KCNIP4: variants seen among roughly 807,000 people sequenced by gnomAD.
The protein encoded by KCNIP4 is potassium voltage-gated channel interacting protein 4, also known as Kv channel-interacting protein 4.
A neutral mutation model predicts 34.0 loss-of-function variants in KCNIP4; 12 were observed. The ratio of observed to expected loss-of-function variants is 0.35; its 90% confidence interval spans 0.23 to 0.57. The LOEUF (loss-of-function observed/expected upper bound fraction) is 0.57, where lower values mean the gene tolerates loss of function less well. Ranked by LOEUF, KCNIP4 falls within the 20% of genes least tolerant of loss-of-function variation. The pLI, the probability that KCNIP4 is intolerant of heterozygous loss-of-function variation, is 0.83. For synonymous variants in KCNIP4, 124 were observed against 102.2 expected, an observed-to-expected ratio of 1.21 and a Z score of -1.29; for missense variants, 238 against 311.7, an observed-to-expected ratio of 0.76 and a Z score of 1.78.
Position 20,729,953 on chromosome 4 carries a change from A to T in KCNIP4, c.*129T>A, listed in dbSNP as rs1747548191. ...TCTTTTGGGGATTGCTTTATATTAA[A>T]ACAAAGCTTGTTTGCATAATATGCT... On this transcript the variant is annotated 3_prime_UTR_variant, in exon 9 of 9. Coordinates refer to ENST00000382152, the MANE Select transcript of KCNIP4 (RefSeq NM_025221.6). The T allele has an allele frequency of 8.9e-7, 1 of 1,127,490 alleles. No individual in the cohort carries two copies. Among genetic ancestry groups the T allele is most frequent in the African/African-American group, 1.6e-5 (1 of 62,774 alleles). The allele number at this position is 1,127,490 out of a possible 1,614,324, so 69.8% of individuals were successfully genotyped here.
At chr4:21,610,830 T>TA (rs1577688721) in intron 1 of KCNIP4, among the ~76,000 whole-genome samples, 2 of 151,882 alleles carry the variant, frequency 1.3e-5, no homozygotes, top group African/African-American at 2.4e-5. Flanking sequence ...TTTTTTTTTT[T>TA]AATTATACTT....
At chr4:21,776,961 C>G (rs904620233) in intron 1 of KCNIP4, among the ~76,000 whole-genome samples, 1 of 152,104 alleles carries the variant, frequency 6.6e-6, no homozygotes, top group Non-Finnish European at 1.5e-5. Flanking sequence ...CAAGGTTAGA[C>G]AGGGTTTCAC....
At chr4:21,146,314 G>A (rs13118446) in intron 1 of KCNIP4, among the ~76,000 whole-genome samples, 53,025 of 151,726 alleles carry the variant, frequency 0.35, 9,382 homozygotes, top group African/African-American at 0.39. Flanking sequence ...AGGAGAATGG[G>A]GTGAACCCGG....
At chr4:21,133,014 GAA>G (rs11342415) in intron 1 of KCNIP4, among the ~76,000 whole-genome samples, 20,239 of 145,848 alleles carry the variant, frequency 0.14, 1,531 homozygotes, top group African/African-American at 0.2. Flanking sequence ...CTCCATCTCA[GAA>G]AAAAAAAAAA....
At chr4:21,286,892 G>A (rs1344181458) in intron 1 of KCNIP4, among the ~76,000 whole-genome samples, 1 of 152,126 alleles carries the variant, frequency 6.6e-6, no homozygotes, top group Non-Finnish European at 1.5e-5. Flanking sequence ...GCACCCTAGG[G>A]CTTAATACAT....
intron 1 of KCNIP4, among the ~76,000 whole-genome samples, chr4:21,299,083 T>C (rs1764009287): frequency 6.6e-6 from 1 of 152,132 alleles, no homozygotes; most frequent in South Asian, 2.1e-4. Flanking sequence ...GCGTAAGTGA[T>C]TACCTATCTC....
chr4:20,956,502 T>TC (rs1371117640), intron 1 of KCNIP4, among the ~76,000 whole-genome samples: 1 of 73,868 alleles, frequency 1.4e-5, no homozygotes, highest in Non-Finnish European at 2.4e-5. Context: ...AAGACTTCCT[T>TC]CCAAAAAAAA....
intron 1 of KCNIP4, among the ~76,000 whole-genome samples, chr4:21,018,009 A>G (rs1379067538): frequency 6.6e-6 from 1 of 152,222 alleles, no homozygotes; most frequent in Non-Finnish European, 1.5e-5. Flanking sequence ...ATTAACTAGT[A>G]CAATAAAAAC....
chr4:21,137,929 T>C (rs1290295007), intron 1 of KCNIP4, among the ~76,000 whole-genome samples: 2 of 141,026 alleles, frequency 1.4e-5, no homozygotes, highest in East Asian at 2.1e-4. Context: ...TAGACTGCAA[T>C]GGTATGACCT....
intron 1 of KCNIP4, among the ~76,000 whole-genome samples, chr4:21,467,316 CAAA>C (rs1428870698): frequency 6.6e-6 from 1 of 152,060 alleles, no homozygotes; most frequent in African/African-American, 2.4e-5. Context: ...AGCCAACTTC[CAAA>C]AATATATAAT....
At chr4:21,501,744 A>T (rs1375866426) in intron 1 of KCNIP4, among the ~76,000 whole-genome samples, 1 of 120,444 alleles carries the variant, frequency 8.3e-6, no homozygotes, top group Admixed American at 8.8e-5. Flanking sequence ...TATATGTAAT[A>T]CCATGCAGAT....
At chr4:21,385,317 G>A (rs1417969742) in intron 1 of KCNIP4, among the ~76,000 whole-genome samples, 1 of 152,148 alleles carries the variant, frequency 6.6e-6, no homozygotes, top group Admixed American at 6.6e-5. Context: ...CCACCAGCAG[G>A]AGGTGGGATA....
chr4:21,728,233 C>T (rs1376616586), intron 1 of KCNIP4, among the ~76,000 whole-genome samples: 3 of 152,130 alleles, frequency 2.0e-5, no homozygotes, highest in African/African-American at 7.2e-5. Context: ...AACCAAACTC[C>T]AAATCTCCTT....
In KCNIP4 at chr4:21,002,947, T is replaced by C. The variant is rs184602033; in HGVS notation, c.62-120238A>G. Among the ~76,000 whole-genome samples the C allele has an allele frequency of 2.2e-3, 337 of 152,346 alleles. 1 individual carries two copies. Among genetic ancestry groups the C allele is most frequent in the African/African-American group, 7.6e-3 (316 of 41,578 alleles). On this transcript the variant is annotated intron_variant, in intron 1 of 8. Coordinates refer to ENST00000382152, the MANE Select transcript of KCNIP4 (RefSeq NM_025221.6). ...ATTATCAGAGCATATCATGGTTACC[T>C]GACACTGGTATAAACATCCCTCACA...
chr4:21,776,653 G>A (rs1719200118), intron 1 of KCNIP4, among the ~76,000 whole-genome samples: 1 of 152,116 alleles, frequency 6.6e-6, no homozygotes, highest in Non-Finnish European at 1.5e-5. Flanking sequence ...ATCTTGAATT[G>A]TAATCCCATA....
intron 1 of KCNIP4, among the ~76,000 whole-genome samples, chr4:21,023,348 C>T (rs1036432323): frequency 6.6e-5 from 10 of 151,804 alleles, no homozygotes; most frequent in Non-Finnish European, 1.3e-4. Flanking sequence ...AATATAATAA[C>T]CAAAATAAAA....
intron 1 of KCNIP4, among the ~76,000 whole-genome samples, chr4:21,211,894 C>T (rs2108979441): frequency 6.6e-6 from 1 of 151,700 alleles, no homozygotes; most frequent in African/African-American, 2.4e-5. Flanking sequence ...CCTTCCCCAC[C>T]ATATTGCATT....
chr4:20,901,329 T>C (rs1448951182), intron 1 of KCNIP4, among the ~76,000 whole-genome samples: 1 of 152,226 alleles, frequency 6.6e-6, no homozygotes, highest in African/African-American at 2.4e-5. Flanking sequence ...TAAAATGTAA[T>C]AAGGACATTG....
chr4:21,123,166 A>G (rs1169763750), intron 1 of KCNIP4, among the ~76,000 whole-genome samples: 1 of 152,082 alleles, frequency 6.6e-6, no homozygotes, highest in African/African-American at 2.4e-5. Flanking sequence ...GTGAGCCAAG[A>G]TCGTGCCACT....
Sources: gnomAD v4.1 joint callset for allele counts (sites outside exome capture counted in the v4.1 genomes callset) on GRCh38, gnomAD v4.1.1 for gene constraint, MANE v1.5 for transcripts, NCBI Gene and HGNC (gene_info 2026-07-23, HGNC 2026-07-21) for gene names.